KLF10: variants seen among roughly 807,000 people sequenced by gnomAD.
The protein encoded by KLF10 is Krueppel-like factor 10.
In KLF10, 17 loss-of-function variants were observed where a neutral mutation model predicts 31.6. The observed-to-expected ratio is 0.54, with a 90% CI of 0.37 to 0.81. The LOEUF (loss-of-function observed/expected upper bound fraction) is 0.81. Ranked by LOEUF, KLF10 falls within the 30% of genes least tolerant of loss-of-function variation. KLF10 has a pLI of 0.00. For missense variants in KLF10, 525 were observed against 598.1 expected (o/e 0.88, Z 1.27); for synonymous variants, 239 against 215.1 (o/e 1.11, Z -0.97).
intron 1 of KLF10, among the ~76,000 whole-genome samples, chr8:102,654,864 C>T (rs999251685): frequency 6.6e-6 from 1 of 152,042 alleles, no homozygotes; most frequent in Admixed American, 6.5e-5. Context: ...CGTCAGAAGG[C>T]GGCCACCTGC....
intron 1 of KLF10, among the ~76,000 whole-genome samples, chr8:102,654,743 GC>G (rs1269170151): frequency 1.3e-5 from 2 of 151,572 alleles, no homozygotes; most frequent in East Asian, 3.9e-4. Flanking sequence ...CAGACGCGCG[GC>G]CCCCGCGTCT....
intron 1 of KLF10, chr8:102,654,486 C>G (rs1827310777): frequency 6.6e-6 from 1 of 151,616 alleles, no homozygotes; most frequent in Non-Finnish European, 1.5e-5. Flanking sequence ...CGGCCTCCGC[C>G]TCAGATGCGG....
chr8:102,655,493 G>C (rs1450108830), intron 1 of KLF10, 73 bp downstream of exon 1: 10 of 1,581,184 alleles, frequency 6.3e-6, no homozygotes, highest in Non-Finnish European at 8.7e-7. Flanking sequence ...TCCGGGGCTC[G>C]GGGTTCGCGC....
chr8:102,653,718 TGTG>T, intron 1 of KLF10: 2 of 1,199,988 alleles, frequency 1.7e-6, no homozygotes. Context: ...AGCGCGCGTG[TGTG>T]TAACAGCCCC....
At chr8:102,653,846 G>T (rs557504932) in intron 1 of KLF10, 1 of 974,626 alleles carries the variant, frequency 1.0e-6, no homozygotes, top group Admixed American at 5.3e-5. Flanking sequence ...GGGGCGCGAG[G>T]CAGGAAAGGG....
chr8:102,654,178 G>C (rs1827300044), intron 1 of KLF10: 1 of 153,288 alleles, frequency 6.5e-6, no homozygotes, highest in South Asian at 2.1e-4. Flanking sequence ...GGGAATTGCC[G>C]CGCCGTCACC....
chr8:102,651,354 C>T lies in KLF10; in HGVS notation c.978G>A (p.Val326=). The change falls in exon 3 of 4, where the codon GTG becomes GTA. Residue 326 remains valine, a synonymous_variant. Transcript: ENST00000285407. ...AVMFVVPQPV[V]QSSKPPVVSP... Reference sequence around the variant, plus strand: ...TCACCACCGGAGGCTTTGAACTCTGCACAACGGGCTGGGGTACCACAAACA... The same window carrying T: ...TCACCACCGGAGGCTTTGAACTCTGTACAACGGGCTGGGGTACCACAAACA... 6.3e-7 allele frequency: 1 copy of T among 1,597,598 alleles called. No individual in the cohort carries two copies. The highest frequency in any genetic ancestry group is 1.3e-5 in the African/African-American group (1 of 74,772).
Position 102,649,776 on chromosome 8 carries a change from C to T in KLF10, c.*356G>A. ...TGAAACCAGTGCTTTAGAAGAATCA[C>T]ATTGAAAAGTTGGTCTCAAGTATAA... On this transcript the variant is annotated 3_prime_UTR_variant, in exon 4 of 4. Coordinates refer to ENST00000285407, the MANE Select transcript of KLF10 (RefSeq NM_005655.4). The T allele has an allele frequency of 4.1e-6, 1 of 241,796 alleles. No individual in the cohort carries two copies. Among genetic ancestry groups the T allele is most frequent in the Non-Finnish European group, 8.1e-6 (1 of 123,196 alleles). The allele number at this position is 241,796 out of a possible 1,614,324, so 15.0% of individuals were successfully genotyped here.
In KLF10 at chr8:102,649,778, T is replaced by C. The variant is rs1339907267; in HGVS notation, c.*354A>G. 1.2e-5 allele frequency: 3 copies of C among 244,286 alleles called. No homozygotes were observed. Among genetic ancestry groups the C allele is most frequent in the Admixed American group, 1.0e-4 (2 of 19,960 alleles). 15.1% of individuals were successfully genotyped at this position (244,286 alleles called of 1,614,324 possible). On this transcript the variant is annotated 3_prime_UTR_variant, in exon 4 of 4. Transcript: ENST00000285407. ...AAACCAGTGCTTTAGAAGAATCACA[T>C]TGAAAAGTTGGTCTCAAGTATAAAC... is the stretch of plus-strand genomic sequence containing the variant.
chr8:102,651,738 C>T lies in KLF10; in HGVS notation c.594G>A (p.Lys198=), dbSNP rs1310453552. 5.6e-6 allele frequency: 9 copies of T among 1,614,082 alleles called. No individual in the cohort carries two copies. The highest frequency in any genetic ancestry group is 2.7e-5 in the African/African-American group (2 of 74,928). The change falls in exon 3 of 4, where the codon AAG becomes AAA. Residue 198 remains lysine, a synonymous_variant. Transcript: ENST00000285407. ...RTHLNVEAAR[K]NIPCAAVSPN... The stretch of plus-strand genomic sequence containing the variant: ...GTGACACAGCGGCACATGGTATGTT[C>T]TTTCTTGCAGCCTCAACATTTAGGT...
chr8:102,654,855 G>T (rs1587836495), intron 1 of KLF10, among the ~76,000 whole-genome samples: 1 of 151,808 alleles, frequency 6.6e-6, no homozygotes. Flanking sequence ...CCAAGGAGTC[G>T]TCAGAAGGCG....
rs1229242269 is a variant in KLF10 at position 102,650,337 on chromosome 8, G to C, written c.1238C>G (p.Ser413Cys). The C allele has an allele frequency of 1.2e-6, 2 of 1,614,154 alleles. No individual in the cohort carries two copies. The highest frequency in any genetic ancestry group is 8.5e-7 in the Non-Finnish European group (1 of 1,180,028). Residue 413 changes from serine to cysteine, a missense_variant, in exon 4 of 4, where the codon TCT (serine) becomes TGT (cysteine). This residue lies in a region of KLF10 where 49 missense variants were observed against 105.0 expected (regional missense o/e 0.47). Coordinates refer to ENST00000285407, the MANE Select transcript of KLF10 (RefSeq NM_005655.4). ...WKGCERRFAR[S>C]DELSRHRRTH... is the part of the protein sequence containing the mutation. ...TCGCCTGTGTCTGGACAGTTCATCA[G>C]AACGGGCAAACCTCCTTTCACAACC...
intron 1 of KLF10, chr8:102,654,146 G>C (rs1370581701): frequency 1.2e-5 from 2 of 166,492 alleles, no homozygotes; most frequent in Non-Finnish European, 1.2e-5. Flanking sequence ...GGCTGCTCCG[G>C]GAGGCGCAGG....
At chr8:102,650,960 C>A (rs1827193925) in intron 3 of KLF10, among the ~76,000 whole-genome samples, 189 bp downstream of exon 3, 1 of 152,156 alleles carries the variant, frequency 6.6e-6, no homozygotes, top group African/African-American at 2.4e-5. Context: ...ACCTTGGTCT[C>A]CTAAAGTGCA....
Position 102,652,201 on chromosome 8 carries a change from A to G in KLF10, c.233T>C (p.Leu78Pro). The G allele has an allele frequency of 1.2e-6, 2 of 1,605,590 alleles. No individual in the cohort carries two copies. The highest frequency in any genetic ancestry group is 2.2e-5 in the South Asian group (2 of 89,686). Residue 78 changes from leucine (L) to proline (P), a missense_variant, in exon 2 of 4, where the codon CTT (leucine) becomes CCT (proline). Leu to Pro is a moderately conservative substitution (Grantham distance 98). This residue lies in a region of KLF10 where 434 missense variants were observed against 450.7 expected (regional missense o/e 0.96). Coordinates refer to ENST00000285407, the MANE Select transcript of KLF10 (RefSeq NM_005655.4). ...TGTATGAAAATCAGGTGTTCCCGGA[A>G]GCAGATTCTCTTCCTCTGACAAATC... Reference protein sequence around the residue: ...VSDLSEEENLLPGTPDFHTIP... With the variant: ...VSDLSEEENLPPGTPDFHTIP...
At position 102,653,408 on chromosome 8, in the gene KLF10, A is replaced by G. The variant is rs983106024; in HGVS notation, c.37-1011T>C. ...CACAGGTTTTGCACTTATTTGTAGA[A>G]CTACCTAATGTTTTATAGTAAAGTT... On this transcript the variant is annotated intron_variant, in intron 1 of 3. Transcript: ENST00000285407. The G allele has an allele frequency of 2.2e-6, 3 of 1,380,148 alleles. No homozygotes were observed. The Admixed American group carries it at 8.2e-5, about 38-fold the overall frequency. The allele number at this position is 1,380,148 out of a possible 1,614,324, so 85.5% of individuals were successfully genotyped here.
chr8:102,653,234 C>G (rs1043861903), intron 1 of KLF10, among the ~76,000 whole-genome samples: 1 of 152,188 alleles, frequency 6.6e-6, no homozygotes, highest in African/African-American at 2.4e-5. Context: ...ATAACTACAA[C>G]ATAGCTAATG....
chr8:102,654,286 C>T (rs1012337922), intron 1 of KLF10: 6 of 146,276 alleles, frequency 4.1e-5, no homozygotes, highest in Non-Finnish European at 6.1e-5. Flanking sequence ...GCGCGCCGGG[C>T]CCGCGGGGAG....
At position 102,651,748 on chromosome 8, in the gene KLF10, G is replaced by C; in HGVS notation, c.584C>G (p.Ala195Gly). The C allele has an allele frequency of 1.2e-6, 2 of 1,614,230 alleles. No individual in the cohort carries two copies. Among genetic ancestry groups the C allele is most frequent in the South Asian group, 1.1e-5 (1 of 91,086 alleles). Residue 195 changes from alanine (A) to glycine (G), a missense_variant, in exon 3 of 4, where the codon GCT becomes GGT. Physicochemically the swap from Ala to Gly is moderately conservative, Grantham distance 60 (BLOSUM62 0). This residue lies in a region of KLF10 where 434 missense variants were observed against 450.7 expected (regional missense o/e 0.96). Coordinates refer to ENST00000285407, the MANE Select transcript of KLF10 (RefSeq NM_005655.4). The part of the protein sequence containing the change: ...FRRRTHLNVE[A>G]ARKNIPCAAV... Reference sequence around the variant, plus strand: ...GGCACATGGTATGTTCTTTCTTGCAGCCTCAACATTTAGGTGGGTTCTTCT... The same window carrying C: ...GGCACATGGTATGTTCTTTCTTGCACCCTCAACATTTAGGTGGGTTCTTCT...
Sources: allele counts gnomAD v4.1 joint callset (sites outside exome capture counted in the v4.1 genomes callset), GRCh38; gene constraint gnomAD v4.1.1; regional missense constraint gnomAD v4.1.1; transcripts MANE v1.5; gene names NCBI Gene and HGNC (gene_info 2026-07-23, HGNC 2026-07-21).